Variants in CTNNA3 observed in about 807,000 individuals in gnomAD.
CTNNA3 encodes catenin alpha 3.
A neutral mutation model predicts 95.7 loss-of-function variants in CTNNA3; 76 were observed. The ratio of observed to expected loss-of-function variants is 0.79; its 90% CI spans 0.66 to 0.96. The LOEUF is 0.96. Among genes scored for constraint, CTNNA3 ranks in the 40% least tolerant of loss-of-function variants. The pLI is 0.00. For synonymous variants in CTNNA3, 431 were observed against 374.4 expected (o/e 1.15, Z -1.74); for missense variants, 1,191 against 1,089.8 (o/e 1.09, Z -1.31).
rs377539593 is a variant in CTNNA3 at position 65,967,876 on chromosome 10, G to C, written c.2266-1130C>G. On this transcript the variant is annotated intron_variant, in intron 16 of 17. Transcript: ENST00000433211. ...ATGTGGACAGTGATTTATATGCAAA[G>C]ATCTTCATTGTAGCATTATGTATAA... is the stretch of plus-strand genomic sequence containing the variant. Among the ~76,000 whole-genome samples the C allele has an allele frequency of 3.9e-5, 6 of 152,156 alleles. No homozygotes were observed. In the South Asian group the frequency reaches 1.2e-3, roughly 32 times the overall value.
chr10:66,252,955 TA>T (rs1444266967), intron 13 of CTNNA3, among the ~76,000 whole-genome samples: 2 of 152,314 alleles, frequency 1.3e-5, no homozygotes, highest in Admixed American at 6.5e-5. Context: ...ACAAACTGTT[TA>T]CATAATTTGC....
chr10:65,920,388 T>C lies in CTNNA3; in HGVS notation c.2630A>G (p.Lys877Arg), dbSNP rs781167292. Residue 877 changes from lysine to arginine, a missense_variant, in exon 18 of 18, where the codon AAG (lysine) becomes AGG (arginine). Lys to Arg is a conservative substitution (Grantham distance 26). Transcript: ENST00000433211. ...TCAAVRRGSAKKKIHPLQVMS... is the reference protein window; with the variant it reads ...TCAAVRRGSARKKIHPLQVMS... ...GACTTGCAATGGATGGATTTTTTTCTTTGCTGAGCCTCGTCTGACAGCTGC... is the reference window on the plus strand; with the variant it reads ...GACTTGCAATGGATGGATTTTTTTCCTTGCTGAGCCTCGTCTGACAGCTGC... 2 of 1,614,034 alleles carry C rather than the reference T, an allele frequency of 1.2e-6. No individual in the cohort carries two copies. The highest frequency in any genetic ancestry group is 1.1e-5 in the South Asian group (1 of 91,092).
intron 12 of CTNNA3, among the ~76,000 whole-genome samples, chr10:66,355,822 G>A (rs2092604573): frequency 6.6e-6 from 1 of 151,876 alleles, no homozygotes; most frequent in Admixed American, 6.6e-5. Flanking sequence ...TCTTTTAAGA[G>A]TTTTCTATTG....
intron 12 of CTNNA3, among the ~76,000 whole-genome samples, chr10:66,288,611 TC>T (rs2091629548): frequency 6.6e-6 from 1 of 152,136 alleles, no homozygotes; most frequent in Admixed American, 6.6e-5. Flanking sequence ...CCTTAGTCAC[TC>T]TAGCCCACCA....
At chr10:66,005,285 C>G (rs780682004) in intron 15 of CTNNA3, among the ~76,000 whole-genome samples, 4 of 152,180 alleles carry the variant, frequency 2.6e-5, no homozygotes, top group Non-Finnish European at 5.9e-5. Flanking sequence ...TTAGCCTACA[C>G]AGCCCTCAGG....
intron 10 of CTNNA3, among the ~76,000 whole-genome samples, chr10:66,573,512 C>T (rs1208553331): frequency 6.6e-6 from 1 of 152,138 alleles, no homozygotes; most frequent in African/African-American, 2.4e-5. Flanking sequence ...AAGTGCTTCA[C>T]AAAATTTTAC....
At chr10:66,150,959 C>A (rs151042706) in intron 13 of CTNNA3, among the ~76,000 whole-genome samples, 20 of 151,972 alleles carry the variant, frequency 1.3e-4, no homozygotes, top group Non-Finnish European at 1.8e-4. Flanking sequence ...CCTTCAGTGG[C>A]TTCAATCCAT....
intron 11 of CTNNA3, among the ~76,000 whole-genome samples, chr10:66,444,948 G>T (rs767627967): frequency 3.3e-5 from 5 of 151,908 alleles, no homozygotes; most frequent in African/African-American, 9.7e-5. Context: ...GCAGAGACAC[G>T]CATGGGCTCA....
rs2077030954 is a variant in CTNNA3 at position 65,918,245 on chromosome 10, G to T, written c.*2085C>A. On this transcript the variant is annotated 3_prime_UTR_variant, in exon 18 of 18. Coordinates refer to ENST00000433211, the MANE Select transcript of CTNNA3 (RefSeq NM_013266.4). Reference sequence around the variant, plus strand: ...CCAACATGTGGAAAGATGATGTTGGGTCCGGTGGACATTAGATTTTCTAAA... The same window carrying T: ...CCAACATGTGGAAAGATGATGTTGGTTCCGGTGGACATTAGATTTTCTAAA... 6.6e-6 allele frequency: 1 copy of T among 152,062 alleles called. No homozygotes were observed. The highest frequency in any genetic ancestry group is 2.1e-4 in the South Asian group (1 of 4,824). The allele number at this position is 152,062 out of a possible 1,614,324, so 9.4% of individuals were successfully genotyped here.
rs372182192 is a variant in CTNNA3 at position 66,927,010 on chromosome 10, C to T, written c.1048-151486G>A. On this transcript the variant is annotated intron_variant, in intron 7 of 17. Coordinates refer to ENST00000433211, the MANE Select transcript of CTNNA3 (RefSeq NM_013266.4). The surrounding 1 kb of genome is among the most constrained non-coding windows in gnomAD (Gnocchi z 4.7). ...ACTGACAATGCTTTCTTCTGCCGAA[C>T]GAGGATGCCCTAAGGGCTGTAGGTG... 1 of 1,614,056 alleles carries T rather than the reference C, an allele frequency of 6.2e-7. No homozygotes were observed. The highest frequency in any genetic ancestry group is 1.1e-5 in the South Asian group (1 of 91,068).
chr10:66,435,267 G>A (rs1167932045), intron 11 of CTNNA3, among the ~76,000 whole-genome samples: 1 of 151,988 alleles, frequency 6.6e-6, no homozygotes, highest in Non-Finnish European at 1.5e-5. Context: ...CTGTGAATCT[G>A]TCTGGTCCTG....
intron 5 of CTNNA3, among the ~76,000 whole-genome samples, chr10:67,292,744 G>T (rs1839886969): frequency 6.6e-6 from 1 of 152,094 alleles, no homozygotes; most frequent in Admixed American, 6.6e-5. Flanking sequence ...ATACATTTTA[G>T]ATTCAAGTAA....
At chr10:67,629,473 T>C (rs1362547932) in intron 2 of CTNNA3, among the ~76,000 whole-genome samples, 1 of 152,100 alleles carries the variant, frequency 6.6e-6, no homozygotes, top group Non-Finnish European at 1.5e-5. Flanking sequence ...CACAAGTGAG[T>C]CATAATTCAG....
chr10:67,261,419 G>T (rs1265409240), intron 5 of CTNNA3, among the ~76,000 whole-genome samples: 1 of 152,036 alleles, frequency 6.6e-6, no homozygotes, highest in East Asian at 1.9e-4. Context: ...ACAACATTTG[G>T]GAAACTTTAT....
At chr10:66,296,317 G>C (rs1489561396) in intron 12 of CTNNA3, among the ~76,000 whole-genome samples, 1 of 152,056 alleles carries the variant, frequency 6.6e-6, no homozygotes, top group Non-Finnish European at 1.5e-5. Flanking sequence ...TTTCTCAGCT[G>C]TTACTCAAAT....
intron 15 of CTNNA3, among the ~76,000 whole-genome samples, chr10:66,030,232 T>C (rs564284472): frequency 6.6e-6 from 1 of 152,242 alleles, no homozygotes; most frequent in East Asian, 1.9e-4. Context: ...CTAAAATTTG[T>C]ATGGAATCAA....
rs1363957081 is a variant in CTNNA3, at chr10:65,953,171, T to C, written c.2400+13441A>G. ...TACAACAGTTTCCCACTAGGCGTGGTGTATAGGAATACTAGGTGAACAGTT... is the reference window on the plus strand; with the variant it reads ...TACAACAGTTTCCCACTAGGCGTGGCGTATAGGAATACTAGGTGAACAGTT... On this transcript the variant is annotated intron_variant, in intron 17 of 17. Coordinates refer to ENST00000433211, the MANE Select transcript of CTNNA3 (RefSeq NM_013266.4). Among the ~76,000 whole-genome samples the C allele has an allele frequency of 2.6e-5, 4 of 152,208 alleles. No homozygotes were observed. The East Asian group carries it at 5.8e-4, about 22-fold the overall frequency.
intron 11 of CTNNA3, among the ~76,000 whole-genome samples, chr10:66,395,032 T>A (rs1168111400): frequency 6.6e-6 from 1 of 151,938 alleles, no homozygotes; most frequent in African/African-American, 2.4e-5. Flanking sequence ...CCCCTCAGAA[T>A]AATAAGTATA....
At chr10:66,379,697 A>G (rs1350974732) in intron 11 of CTNNA3, among the ~76,000 whole-genome samples, 1 of 152,184 alleles carries the variant, frequency 6.6e-6, no homozygotes, top group Non-Finnish European at 1.5e-5. Flanking sequence ...GTGATGATGA[A>G]ATTCTACATC....
Sources: allele counts gnomAD v4.1 joint callset (sites outside exome capture counted in the v4.1 genomes callset), GRCh38; gene constraint gnomAD v4.1.1; non-coding constraint Gnocchi (gnomAD v3.1); transcripts MANE v1.5; gene names NCBI Gene and HGNC (gene_info 2026-07-23, HGNC 2026-07-21).